SYNPO2: variants seen among roughly 807,000 people sequenced by gnomAD.
SYNPO2 encodes the protein synaptopodin-2.
A neutral mutation model predicts 85.0 loss-of-function variants in SYNPO2; 56 were observed. The observed-to-expected ratio is 0.66, with a 90% confidence interval of 0.53 to 0.82. The LOEUF (loss-of-function observed/expected upper bound fraction) is 0.82. Among genes scored for constraint, SYNPO2 ranks in the 40% least tolerant of loss-of-function variants. The probability of loss-of-function intolerance (pLI) is 0.00; values close to 1 mark genes in which losing one functional copy is unlikely to be tolerated. For synonymous variants in SYNPO2, 602 were observed against 591.1 expected (o/e 1.02, Z -0.27); for missense variants, 1,575 against 1,534.2 (o/e 1.03, Z -0.44).
chr4:118,903,003 A>G (rs1732809430), intron 1 of SYNPO2, among the ~76,000 whole-genome samples: 1 of 152,208 alleles, frequency 6.6e-6, no homozygotes, highest in Non-Finnish European at 1.5e-5. Flanking sequence ...AAAATATTTC[A>G]GTGCTGGTTA....
At chr4:119,054,843 T>G (rs551164403) in intron 4 of SYNPO2, among the ~76,000 whole-genome samples, 1 of 152,176 alleles carries the variant, frequency 6.6e-6, no homozygotes, top group Non-Finnish European at 1.5e-5. Context: ...TCACCAGGGA[T>G]CCACCTCTGT....
intron 1 of SYNPO2, among the ~76,000 whole-genome samples, chr4:119,022,662 ATTTATTTTAT>A (rs920557140): frequency 2.9e-4 from 31 of 106,302 alleles, no homozygotes; most frequent in East Asian, 8.7e-4. Context: ...GGCCTGAATT[ATTTATTTTAT>A]TTTATTTTAT....
intron 1 of SYNPO2, among the ~76,000 whole-genome samples, chr4:118,918,698 C>T (rs1008352305): frequency 2.6e-5 from 4 of 152,158 alleles, no homozygotes; most frequent in Admixed American, 2.0e-4. Context: ...TTACTTAAAT[C>T]TGCTTTGCAG....
At chr4:118,993,218 TTGTGTGTGTTTGTGTGCACG>T (rs1161466648) in intron 1 of SYNPO2, among the ~76,000 whole-genome samples, 1 of 152,136 alleles carries the variant, frequency 6.6e-6, no homozygotes, top group African/African-American at 2.4e-5. Flanking sequence ...AAATGTGTAT[TTGTGTGTGTTTGTGTGCACG>T]TGTGTGTGTT....
intron 1 of SYNPO2, among the ~76,000 whole-genome samples, chr4:118,933,521 T>A (rs966865): frequency 0.71 from 108,772 of 152,134 alleles, 41,684 homozygotes; most frequent in South Asian, 0.88. Flanking sequence ...TCAGTATATG[T>A]TTGTAGTTTT....
intron 1 of SYNPO2, among the ~76,000 whole-genome samples, chr4:118,875,908 A>G (rs1040186150): frequency 6.6e-6 from 1 of 152,256 alleles, no homozygotes; most frequent in African/African-American, 2.4e-5. Context: ...AATGCAATTA[A>G]ACCACATACA....
At chr4:119,006,517 T>G (rs558149590) in intron 1 of SYNPO2, 3 of 152,174 alleles carry the variant, frequency 2.0e-5, no homozygotes, top group African/African-American at 7.2e-5. Flanking sequence ...ATAAAGAAAA[T>G]AAAGGAATGC....
chr4:118,931,950 G>A (rs190040759), intron 1 of SYNPO2, among the ~76,000 whole-genome samples: 5 of 152,250 alleles, frequency 3.3e-5, no homozygotes, highest in Middle Eastern at 3.4e-3. Context: ...TCTGAATACC[G>A]TCACTGCTTC....
At chr4:118,871,752 G>A (rs1379674189) in intron 1 of SYNPO2, among the ~76,000 whole-genome samples, 1 of 152,098 alleles carries the variant, frequency 6.6e-6, no homozygotes, top group Non-Finnish European at 1.5e-5. Context: ...TGTATTTTTA[G>A]TAGAGGCGGG....
intron 1 of SYNPO2, among the ~76,000 whole-genome samples, chr4:118,991,303 G>A (rs1022213528): frequency 6.6e-6 from 1 of 151,848 alleles, no homozygotes; most frequent in Non-Finnish European, 1.5e-5. Flanking sequence ...ACGCACCACC[G>A]CACCTGGCTA....
At chr4:119,035,776 G>GCC in intron 4 of SYNPO2, 1 of 974,894 alleles carries the variant, frequency 1.0e-6, no homozygotes, top group Non-Finnish European at 1.2e-6. Flanking sequence ...TTATCACATA[G>GCC]CCTAAATTCT....
intron 1 of SYNPO2, among the ~76,000 whole-genome samples, chr4:119,021,063 A>G (rs1367333515): frequency 6.6e-6 from 1 of 152,226 alleles, no homozygotes; most frequent in African/African-American, 2.4e-5. Context: ...CCAATAAATT[A>G]GTATATTCTT....
Position 119,047,996 on chromosome 4 carries a change from G to C in SYNPO2, c.3253-9405G>C, listed in dbSNP as rs77582748. Among the ~76,000 whole-genome samples the C allele has an allele frequency of 6.6e-3, 1,011 of 152,210 alleles. 7 individuals carry two copies. The highest frequency in any genetic ancestry group is 0.023 in the African/African-American group (966 of 41,516). ...TATTTAATCTTGCAAATGTATTTCA[G>C]GTTCTCTTTAGGGTTTATGCATAAT... On this transcript the variant is annotated intron_variant, in intron 4 of 4. Coordinates refer to ENST00000307142, the MANE Select transcript of SYNPO2 (RefSeq NM_133477.3).
In SYNPO2 at chr4:118,888,897, G is replaced by T; in HGVS notation, c.-140G>T. ...CGGCTGGGGCGGCGGCTGGGGCAGC[G>T]GCTGCAGCAGCGGCGGACGCTCTGC... is the stretch of plus-strand genomic sequence containing the variant. On this transcript the variant is annotated 5_prime_UTR_variant, in exon 1 of 5. Transcript: ENST00000307142. 2 of 832,894 alleles carry T rather than the reference G, an allele frequency of 2.4e-6. No individual in the cohort carries two copies. The highest frequency in any genetic ancestry group is 3.9e-6 in the Non-Finnish European group (2 of 516,942). The allele number at this position is 832,894 out of a possible 1,614,324, so 51.6% of individuals were successfully genotyped here.
chr4:118,880,746 CAAA>C (rs11348298), intron 1 of SYNPO2, among the ~76,000 whole-genome samples: 23 of 131,760 alleles, frequency 1.7e-4, no homozygotes, highest in Non-Finnish European at 1.8e-4. Context: ...GACTCTGTCC[CAAA>C]AAAAAAAAAA....
chr4:118,946,755 A>G (rs1419198317), intron 1 of SYNPO2, among the ~76,000 whole-genome samples: 1 of 152,242 alleles, frequency 6.6e-6, no homozygotes, highest in African/African-American at 2.4e-5. Context: ...TCACTCTAAC[A>G]TTTCAAATCC....
upstream of SYNPO2, among the ~76,000 whole-genome samples, chr4:118,884,543 G>C (rs193159314): frequency 2.0e-4 from 31 of 152,310 alleles, no homozygotes; most frequent in Admixed American, 1.8e-3. Context: ...ACACTGCTGG[G>C]GTGGGAGGAT....
At chr4:119,056,097 C>T (rs1739196482) in intron 4 of SYNPO2, among the ~76,000 whole-genome samples, 1 of 152,178 alleles carries the variant, frequency 6.6e-6, no homozygotes, top group Admixed American at 6.5e-5. Context: ...ATACTCCTGT[C>T]CCCTAGGTGT....
intron 1 of SYNPO2, among the ~76,000 whole-genome samples, chr4:118,990,195 T>C (rs756043426): frequency 1.6e-4 from 24 of 152,158 alleles, no homozygotes; most frequent in Non-Finnish European, 2.8e-4. Context: ...TATTGGATTA[T>C]TGAAAGAATG....
Sources: allele counts gnomAD v4.1 joint callset (sites outside exome capture counted in the v4.1 genomes callset), GRCh38; gene constraint gnomAD v4.1.1; transcripts MANE v1.5; gene names NCBI Gene and HGNC (gene_info 2026-07-23, HGNC 2026-07-21).